SMS: variants seen among roughly 807,000 people sequenced by gnomAD.
SMS encodes spermine synthase, also known as spermidine aminopropyltransferase.
In SMS, 3 loss-of-function variants were observed where a neutral mutation model predicts 33.0. The ratio of observed to expected loss-of-function variants is 0.09; its 90% CI spans 0.04 to 0.23. The LOEUF (loss-of-function observed/expected upper bound fraction) is 0.23. Ranked by LOEUF, SMS falls within the 10% of genes least tolerant of loss-of-function variation. The pLI, the probability that SMS is intolerant of heterozygous loss-of-function variation, is 1.00. For synonymous variants in SMS, 103 were observed against 112.2 expected (o/e 0.92, Z 0.52); for missense variants, 117 against 288.6 (o/e 0.41, Z 4.31).
chrX:21,978,145 A>G, intron 6 of SMS, 31 bp downstream of exon 6: 2 of 1,177,058 alleles, frequency 1.7e-6, no homozygotes, highest in Non-Finnish European at 2.3e-6. Context: ...GAACAAGTTC[A>G]GTGGGCTTCT....
intron 1 of SMS, among the ~76,000 whole-genome samples, chrX:21,952,396 G>A (rs1001529629): frequency 2.1e-5 from 2 of 95,010 alleles, no homozygotes; most frequent in African/African-American, 8.5e-5. Context: ...AACCTATTAT[G>A]GTGGATCACG....
intron 1 of SMS, among the ~76,000 whole-genome samples, chrX:21,966,515 A>C (rs1923733563): frequency 9.0e-6 from 1 of 111,347 alleles, no homozygotes; most frequent in Admixed American, 9.6e-5. Context: ...GGAGTAGGAC[A>C]CTGGGCAGGA....
At chrX:21,983,644 G>A (rs1925133108) in intron 7 of SMS, among the ~76,000 whole-genome samples, 1 of 111,471 alleles carries the variant, frequency 9.0e-6, no homozygotes, top group African/African-American at 3.3e-5. Context: ...AAGCGTTAGA[G>A]AAAATTGAGA....
At chrX:21,958,838 G>T (rs948984558) in intron 1 of SMS, among the ~76,000 whole-genome samples, 6 of 112,820 alleles carry the variant, frequency 5.3e-5, no homozygotes, top group Non-Finnish European at 1.1e-4. Context: ...CATCACACAC[G>T]GCTAAGGATT....
At chrX:21,951,162 T>C (rs1922581536) in intron 1 of SMS, among the ~76,000 whole-genome samples, 1 of 112,552 alleles carries the variant, frequency 8.9e-6, no homozygotes, top group Admixed American at 9.4e-5. Context: ...TGGTATCTCA[T>C]TGTGGTTTTG....
At position 21,972,551 on chromosome X, in the gene SMS, C is replaced by G; in HGVS notation, c.309C>G (p.Asp103Glu). 1 of 1,183,726 alleles carries G rather than the reference C, an allele frequency of 8.4e-7. No individual in the cohort carries two copies. The highest frequency in any genetic ancestry group is 1.8e-5 in the South Asian group (1 of 56,304). Residue 103 changes from aspartate (D) to glutamate (E), a missense_variant, in exon 4 of 11, where the codon GAC becomes GAG. Physicochemically the swap from Asp to Glu is conservative, Grantham distance 45. Coordinates refer to ENST00000404933, the MANE Select transcript of SMS (RefSeq NM_004595.5). ...VEERMKELSQ[D>E]STGRVKRLPP... ...AAAGAATGAAAGAATTGAGTCAGGA[C>G]AGTACTGGGCGGGTGAAACGGTAAG...
intron 7 of SMS, among the ~76,000 whole-genome samples, chrX:21,980,429 A>AAAATATATATATATATAT (rs1260210326): frequency 1.6e-5 from 1 of 63,047 alleles, no homozygotes; most frequent in Non-Finnish European, 3.1e-5. Flanking sequence ...AAAAAAAAAA[A>AAAATATATATATATATAT]ATATATATAT....
At chrX:21,991,279 G>GCGAA (rs1445528192) in intron 9 of SMS, among the ~76,000 whole-genome samples, 1 of 111,532 alleles carries the variant, frequency 9.0e-6, no homozygotes, top group Non-Finnish European at 1.9e-5. Context: ...CTGGGTTCAA[G>GCGAA]CGGTTCTTCT....
intron 1 of SMS, among the ~76,000 whole-genome samples, chrX:21,947,274 G>T (rs972230407): frequency 2.7e-5 from 3 of 111,560 alleles, no homozygotes; most frequent in African/African-American, 9.8e-5. Context: ...AGACGCTGTT[G>T]CTTTAACAAT....
At chrX:21,941,475 G>T (rs1921770613) in intron 1 of SMS, 1 of 133,895 alleles carries the variant, frequency 7.5e-6, no homozygotes, top group Non-Finnish European at 1.5e-5. Flanking sequence ...CTGCGTAGGA[G>T]ACGGATCCCC....
chrX:21,990,865 A>C (rs1925713155), intron 9 of SMS, among the ~76,000 whole-genome samples: 1 of 112,638 alleles, frequency 8.9e-6, no homozygotes, highest in Admixed American at 9.4e-5. Context: ...ATATGCTCTT[A>C]CGGTGAACTT....
At chrX:21,966,293 G>A (rs780405544) in intron 1 of SMS, among the ~76,000 whole-genome samples, 2 of 112,360 alleles carry the variant, frequency 1.8e-5, no homozygotes, top group South Asian at 3.7e-4. Flanking sequence ...AGGGCTGGTG[G>A]GAAAGTAAAG....
intron 1 of SMS, among the ~76,000 whole-genome samples, chrX:21,960,461 G>A (rs760218044): frequency 9.1e-6 from 1 of 110,116 alleles, no homozygotes; most frequent in South Asian, 4.0e-4. Flanking sequence ...ATGTACAGCA[G>A]AAGGCTCATT....
intron 9 of SMS, among the ~76,000 whole-genome samples, chrX:21,992,337 A>C (rs1346109808): frequency 8.9e-6 from 1 of 112,539 alleles, no homozygotes; most frequent in Non-Finnish European, 1.9e-5. Context: ...CACTAATAAG[A>C]AATTGGTTTC....
rs148819415 is a variant in SMS, at chrX:21,977,708, C to T, written c.506-252C>T. ...AAAGATGTAATTGCTTTTAGTTATT[C>T]GGTATATTGACACATTTTTAAGGCT... On this transcript the variant is annotated intron_variant, in intron 5 of 10. Transcript: ENST00000404933. Among the ~76,000 whole-genome samples, 370 of 111,863 alleles carry T rather than the reference C, an allele frequency of 3.3e-3. 2 individuals are homozygous for T. The highest frequency in any genetic ancestry group is 8.4e-3 in the African/African-American group (258 of 30,827).
intron 1 of SMS, among the ~76,000 whole-genome samples, chrX:21,942,426 AGT>A (rs1157257953): frequency 9.0e-6 from 1 of 111,274 alleles, no homozygotes; most frequent in African/African-American, 3.3e-5. Flanking sequence ...GAAAAAAAAA[AGT>A]GTACACCTCT....
At chrX:21,973,677 G>A (rs1254149405) in intron 4 of SMS, among the ~76,000 whole-genome samples, 2 of 113,013 alleles carry the variant, frequency 1.8e-5, no homozygotes, top group East Asian at 5.5e-4. Flanking sequence ...GTGATCATGA[G>A]GAAAATGAAG....
At chrX:21,943,906 A>G (rs1922002836) in intron 1 of SMS, among the ~76,000 whole-genome samples, 1 of 111,841 alleles carries the variant, frequency 8.9e-6, no homozygotes, top group African/African-American at 3.3e-5. Context: ...GTCAAAAGGC[A>G]TTACTCTTGG....
rs1403263560 is a variant in SMS at position 21,971,954 on chromosome X, T to C, written c.228T>C (p.Tyr76=). The C allele has an allele frequency of 9.1e-6, 11 of 1,202,372 alleles. No homozygotes were observed. Among genetic ancestry groups the C allele is most frequent in the Admixed American group, 2.2e-5 (1 of 46,019 alleles). The change falls in exon 3 of 11, where the codon TAT becomes TAC. Residue 76 remains tyrosine, a synonymous_variant. Transcript: ENST00000404933. ...TGGTGTTGCTGGACCTTCAGAGTTA[T>C]GATGGTGATGCGCAAGGCAAAGAAG... ...HGLVLLDLQS[Y]DGDAQGKEEI... is the part of the protein sequence containing the mutation.
Sources: gnomAD v4.1 joint callset for allele counts (sites outside exome capture counted in the v4.1 genomes callset) on GRCh38, gnomAD v4.1.1 for gene constraint, MANE v1.5 for transcripts, NCBI Gene and HGNC (gene_info 2026-07-23, HGNC 2026-07-21) for gene names.